The following PCLO variants were observed in gnomAD, a reference collection of about 807,000 sequenced individuals.
The protein encoded by PCLO is piccolo presynaptic cytomatrix protein.
Under a neutral mutation model 427.5 loss-of-function variants are expected in PCLO, and 82 were observed. That is an observed-to-expected ratio of 0.19 (90% CI 0.16 to 0.23). The LOEUF is 0.23. Among genes scored for constraint, PCLO ranks in the 10% least tolerant of loss-of-function variants. The probability of loss-of-function intolerance (pLI) is 1.00; values close to 1 mark genes in which losing one functional copy is unlikely to be tolerated. For synonymous variants in PCLO, 2,357 were observed against 2,155.4 expected (o/e 1.09, Z -2.59); for missense variants, 6,239 against 6,115.9 (o/e 1.02, Z -0.67).
chr7:83,092,747 A>G (rs1158204832), intron 3 of PCLO, among the ~76,000 whole-genome samples: 2 of 152,044 alleles, frequency 1.3e-5, no homozygotes, highest in East Asian at 3.9e-4. Context: ...CAGGAGTTTG[A>G]GACCAGCCTG....
At chr7:83,064,302 A>G (rs1789611403) in intron 3 of PCLO, among the ~76,000 whole-genome samples, 1 of 152,078 alleles carries the variant, frequency 6.6e-6, no homozygotes, top group Admixed American at 6.6e-5. Flanking sequence ...GAATATGGAA[A>G]CAGGTCATAT....
chr7:83,078,048 C>A (rs1790001074), intron 3 of PCLO, among the ~76,000 whole-genome samples: 1 of 152,108 alleles, frequency 6.6e-6, no homozygotes, highest in Non-Finnish European at 1.5e-5. Context: ...ACTCAGAGTA[C>A]AGGAAAATAT....
In PCLO at chr7:82,956,484, C is replaced by T. The variant is rs1341895339; in HGVS notation, c.4469G>A (p.Ser1490Asn). 2.5e-6 allele frequency: 4 copies of T among 1,613,782 alleles called. No individual in the cohort carries two copies. In the Admixed American group the frequency reaches 6.7e-5, roughly 27 times the overall value. ...CTCAGACTTCTCTTTATGGTCCTTG[C>T]TGGAAGGAATATCTTGTTGGCTATC... ...KKDSQQDIPS[S>N]KDHKEKSEFV... Residue 1490 changes from serine (S) to asparagine (N), a missense_variant, in exon 5 of 25, where the codon AGC becomes AAC. This residue lies in a region of PCLO where 4,677 missense variants were observed against 4,468.4 expected (regional missense o/e 1.05). Coordinates refer to ENST00000333891, the MANE Select transcript of PCLO (RefSeq NM_033026.6).
intron 9 of PCLO, 113 bp from the exon 10 acceptor site, chr7:82,879,575 T>C: frequency 1.4e-6 from 1 of 697,308 alleles, no homozygotes. Context: ...AAATATAACA[T>C]GAATATTGGA....
chr7:82,801,660 C>T (rs1791356607), intron 21 of PCLO, 69 bp from the exon 22 acceptor site: 2 of 933,620 alleles, frequency 2.1e-6, no homozygotes, highest in Non-Finnish European at 3.4e-6. Flanking sequence ...GCTAAATTTG[C>T]ATAAATAAAA....
intron 20 of PCLO, among the ~76,000 whole-genome samples, chr7:82,807,922 CTTTAT>C (rs1259060439): frequency 6.6e-6 from 1 of 151,754 alleles, no homozygotes; most frequent in African/African-American, 2.4e-5. Context: ...TGAATATTTT[CTTTAT>C]TTTATGTAGA....
At chr7:82,802,468 A>C (rs2129468714) in intron 21 of PCLO, among the ~76,000 whole-genome samples, 1 of 152,290 alleles carries the variant, frequency 6.6e-6, no homozygotes, top group South Asian at 2.1e-4. Flanking sequence ...GAGGACTGTA[A>C]GCTTAGAATG....
intron 10 of PCLO, among the ~76,000 whole-genome samples, chr7:82,858,150 C>A (rs1441787267): frequency 3.3e-5 from 5 of 151,902 alleles, no homozygotes. Context: ...CATTGGGATG[C>A]AACAAGGTTT....
chr7:82,786,172 G>A (rs1349593113), intron 22 of PCLO, among the ~76,000 whole-genome samples: 1 of 152,168 alleles, frequency 6.6e-6, no homozygotes, highest in Non-Finnish European at 1.5e-5. Flanking sequence ...AAGAAATCCT[G>A]AAGAGGTAAA....
intron 17 of PCLO, among the ~76,000 whole-genome samples, 166 bp downstream of exon 17, chr7:82,827,707 T>C (rs1254185450): frequency 6.6e-6 from 1 of 152,118 alleles, no homozygotes; most frequent in African/African-American, 2.4e-5. Flanking sequence ...ACCCTGTGCT[T>C]AAATGTCACT....
At chr7:83,151,927 A>G (rs1241818986) in intron 2 of PCLO, among the ~76,000 whole-genome samples, 3 of 152,140 alleles carry the variant, frequency 2.0e-5, no homozygotes, top group Non-Finnish European at 4.4e-5. Flanking sequence ...AATAAAACAA[A>G]GGACTCTGTG....
At chr7:82,855,776 C>G (rs1173510275) in intron 10 of PCLO, among the ~76,000 whole-genome samples, 1 of 151,958 alleles carries the variant, frequency 6.6e-6, no homozygotes, top group Non-Finnish European at 1.5e-5. Context: ...TATGCTGAAT[C>G]TTACTGGGAA....
intron 10 of PCLO, among the ~76,000 whole-genome samples, chr7:82,850,501 T>G (rs1027061658): frequency 2.0e-5 from 3 of 152,190 alleles, no homozygotes; most frequent in African/African-American, 7.2e-5. Flanking sequence ...CCTCTAGGAT[T>G]ACTTAATATT....
intron 3 of PCLO, among the ~76,000 whole-genome samples, chr7:82,968,679 C>T (rs1172987384): frequency 1.3e-5 from 2 of 151,896 alleles, no homozygotes; most frequent in African/African-American, 2.4e-5. Context: ...GCCACCATAC[C>T]CAGCTATTTT....
In PCLO at chr7:82,916,232, T is replaced by A; in HGVS notation, c.11754A>T (p.Gln3918His). ...HFEQQTLYHQQVSPYQTQPTF... is the reference protein window; with the variant it reads ...HFEQQTLYHQHVSPYQTQPTF... ...TTGGCTGAGTCTGATAAGGTGAAAC[T>A]TGCTGATGGTACAAAGTTTGTTGCT... The change falls in exon 7 of 25, where the codon CAA becomes CAT. Residue 3918 changes from glutamine to histidine, a missense_variant. Gln to His is a conservative substitution (Grantham distance 24). Transcript: ENST00000333891. 2.5e-6 allele frequency: 4 copies of A among 1,613,698 alleles called. No individual in the cohort carries two copies. The highest frequency in any genetic ancestry group is 3.4e-6 in the Non-Finnish European group (4 of 1,179,728).
chr7:82,774,475 C>T (rs777838030), intron 22 of PCLO, among the ~76,000 whole-genome samples: 1 of 152,138 alleles, frequency 6.6e-6, no homozygotes, highest in Non-Finnish European at 1.5e-5. Flanking sequence ...TTGTATAAGT[C>T]GGGATAGACT....
At chr7:83,121,543 T>A (rs1294632575) in intron 3 of PCLO, among the ~76,000 whole-genome samples, 1 of 152,060 alleles carries the variant, frequency 6.6e-6, no homozygotes, top group African/African-American at 2.4e-5. Flanking sequence ...TAACACTGAA[T>A]GTAAATGGAC....
chr7:83,007,440 T>C (rs1787974577), intron 3 of PCLO, among the ~76,000 whole-genome samples: 1 of 151,470 alleles, frequency 6.6e-6, no homozygotes, highest in Non-Finnish European at 1.5e-5. Flanking sequence ...ACTAGACAAA[T>C]AATGGAAAAA....
chr7:82,861,691 A>C (rs1019441823), intron 10 of PCLO, among the ~76,000 whole-genome samples: 2 of 152,088 alleles, frequency 1.3e-5, no homozygotes, highest in East Asian at 3.8e-4. Flanking sequence ...TCTTTTCCTC[A>C]GCACATGGAT....
Sources: gnomAD v4.1 joint callset for allele counts (sites outside exome capture counted in the v4.1 genomes callset) on GRCh38, gnomAD v4.1.1 for gene constraint, gnomAD v4.1.1 regional missense constraint, MANE v1.5 for transcripts, NCBI Gene and HGNC (gene_info 2026-07-23, HGNC 2026-07-21) for gene names.